DPP6: variants seen among roughly 807,000 people sequenced by gnomAD.
The protein encoded by DPP6 is A-type potassium channel modulatory protein DPP6.
Under a neutral mutation model 122.6 loss-of-function variants are expected in DPP6, and 69 were observed. That is an observed-to-expected ratio of 0.56 (90% CI 0.46 to 0.69). The LOEUF (loss-of-function observed/expected upper bound fraction) is 0.69, where lower values mean the gene tolerates loss of function less well. Ranked by LOEUF, DPP6 falls within the 30% of genes least tolerant of loss-of-function variation. The pLI, the probability that DPP6 is intolerant of heterozygous loss-of-function variation, is 0.00. For synonymous variants in DPP6, 418 were observed against 433.1 expected (o/e 0.97, Z 0.43); for missense variants, 928 against 1,116.9 (o/e 0.83, Z 2.41).
At chr7:154,177,370 A>C (rs1797857772) in intron 1 of DPP6, among the ~76,000 whole-genome samples, 1 of 152,346 alleles carries the variant, frequency 6.6e-6, no homozygotes, top group South Asian at 2.1e-4. Flanking sequence ...CTAAAGAGAC[A>C]TATGACTGTA....
intron 8 of DPP6, 79 bp from the exon 9 acceptor site, chr7:154,769,338 A>G: frequency 6.3e-7 from 1 of 1,585,592 alleles, no homozygotes; most frequent in African/African-American, 1.3e-5. Flanking sequence ...TTTCCTGGCC[A>G]CCTCATGTTC....
At chr7:154,062,006 C>A (rs1802027665) in intron 1 of DPP6, among the ~76,000 whole-genome samples, 1 of 121,224 alleles carries the variant, frequency 8.2e-6, no homozygotes, top group African/African-American at 3.0e-5. Context: ...TGTTGGTACC[C>A]CCATCGCAGG....
At chr7:153,843,109 TGCATACACATGC>T in the DPP6 span, among the ~76,000 whole-genome samples, 2 of 148,450 alleles carry the variant, frequency 1.3e-5, no homozygotes, top group Admixed American at 6.7e-5. Flanking sequence ...CACACACGAG[TGCATACACATGC>T]GCATACACAC....
intron 1 of DPP6, among the ~76,000 whole-genome samples, chr7:154,164,493 T>C (rs1382972231): frequency 2.0e-5 from 3 of 152,200 alleles, no homozygotes; most frequent in African/African-American, 7.2e-5. Flanking sequence ...CCATAAAATC[T>C]ACCCTTTTAA....
intron 1 of DPP6, among the ~76,000 whole-genome samples, chr7:154,439,783 G>T (rs759774676): frequency 1.3e-5 from 2 of 152,236 alleles, no homozygotes; most frequent in African/African-American, 2.4e-5. Flanking sequence ...TAGCAAGGGT[G>T]GTGGGTAGGA....
intron 1 of DPP6, among the ~76,000 whole-genome samples, chr7:154,078,677 T>G (rs1288866330): frequency 6.6e-6 from 1 of 152,072 alleles, no homozygotes; most frequent in African/African-American, 2.4e-5. Flanking sequence ...TTTGTTGTTG[T>G]TAAAATATCT....
chr7:153,834,275 T>TAAAAA, the DPP6 span, among the ~76,000 whole-genome samples: 1 of 138,958 alleles, frequency 7.2e-6, no homozygotes, highest in Admixed American at 7.1e-5. Flanking sequence ...TGACTCCATC[T>TAAAAA]AAAAAAAAAA....
chr7:154,052,966 A>T lies in DPP6; in HGVS notation c.146A>T (p.Gln49Leu), dbSNP rs1800480407. ...AGAKPLGPRA[Q>L]AAAPRERGGG... ...GCCAAGCCCCTCGGCCCGCGGGCGC[A>T]GGCGGCGGCGCCCCGGGAGCGCGGC... is the stretch of plus-strand genomic sequence containing the variant. The change falls in exon 1 of 26, where the codon CAG (glutamine) becomes CTG (leucine). Residue 49 changes from glutamine to leucine, a missense_variant. Transcript: ENST00000377770. This position sits in a 1 kb window ranked among gnomAD's most constrained non-coding sequence, Gnocchi z 4.8. 1 of 1,114,998 alleles carries T rather than the reference A, an allele frequency of 9.0e-7. No homozygotes were observed. Among genetic ancestry groups the T allele is most frequent in the East Asian group, 5.1e-5 (1 of 19,584 alleles). 69.1% of individuals were successfully genotyped at this position (1,114,998 alleles called of 1,614,324 possible).
intron 1 of DPP6, among the ~76,000 whole-genome samples, chr7:154,005,808 G>C (rs7802329): frequency 0.74 from 111,399 of 150,868 alleles, 40,605 homozygotes; most frequent in African/African-American, 0.75. Flanking sequence ...TTCACCTTCC[G>C]GTTGGACGAG....
intron 2 of DPP6, among the ~76,000 whole-genome samples, chr7:154,447,627 G>A (rs1819998623): frequency 6.6e-6 from 1 of 151,902 alleles, no homozygotes; most frequent in African/African-American, 2.4e-5. Flanking sequence ...ATATCACAAG[G>A]AAACAACATG....
intron 1 of DPP6, among the ~76,000 whole-genome samples, chr7:154,229,135 CT>C (rs1385161502): frequency 6.6e-6 from 1 of 152,112 alleles, no homozygotes. Flanking sequence ...TTATTTGGCC[CT>C]CCAGAAAGCC....
intron 1 of DPP6, among the ~76,000 whole-genome samples, chr7:154,181,499 TAAAGATCCTGA>T (rs565702433): frequency 6.6e-6 from 1 of 152,166 alleles, no homozygotes; most frequent in Non-Finnish European, 1.5e-5. Flanking sequence ...CGGCCTTAAA[TAAAGATCCTGA>T]AACTCCTGTC....
intron 1 of DPP6, among the ~76,000 whole-genome samples, chr7:154,232,240 G>A (rs914923834): frequency 5.3e-5 from 8 of 152,162 alleles, no homozygotes; most frequent in African/African-American, 1.7e-4. Context: ...CCAGTCAAGT[G>A]TAGGCCAAGA....
At chr7:154,482,334 T>G (rs1173354697) in intron 3 of DPP6, among the ~76,000 whole-genome samples, 1 of 152,162 alleles carries the variant, frequency 6.6e-6, no homozygotes, top group Non-Finnish European at 1.5e-5. Context: ...TTAGAGAAGC[T>G]GAGAAGTTGG....
chr7:154,301,072 GT>G (rs1805869456), intron 1 of DPP6, among the ~76,000 whole-genome samples: 2 of 152,170 alleles, frequency 1.3e-5, no homozygotes, highest in Non-Finnish European at 2.9e-5. Flanking sequence ...CTTGCTCTGA[GT>G]GACCTTGGGT....
intron 6 of DPP6, among the ~76,000 whole-genome samples, chr7:154,641,652 A>G (rs1333286765): frequency 2.0e-5 from 3 of 152,232 alleles, no homozygotes; most frequent in Admixed American, 2.0e-4. Context: ...ACATATACAT[A>G]ATACACACTT....
chr7:154,180,409 A>G (rs562918418), intron 1 of DPP6, among the ~76,000 whole-genome samples: 212 of 145,880 alleles, frequency 1.5e-3, no homozygotes, highest in Middle Eastern at 3.6e-3. Context: ...GTATAAATAT[A>G]TATATCTATA....
At chr7:154,017,315 C>G (rs565918930) in intron 1 of DPP6, among the ~76,000 whole-genome samples, 38 of 152,282 alleles carry the variant, frequency 2.5e-4, no homozygotes, top group Admixed American at 7.8e-4. Flanking sequence ...GTGATTGTCC[C>G]TCCTCGACCT....
At chr7:154,594,690 C>T (rs547512767) in intron 5 of DPP6, among the ~76,000 whole-genome samples, 1 of 152,168 alleles carries the variant, frequency 6.6e-6, no homozygotes, top group Non-Finnish European at 1.5e-5. Context: ...ATCTTGCTTT[C>T]CCTCCGCCCT....
Sources: gnomAD v4.1 joint callset for allele counts (sites outside exome capture counted in the v4.1 genomes callset) on GRCh38, gnomAD v4.1.1 for gene constraint, Gnocchi (gnomAD v3.1) non-coding constraint, MANE v1.5 for transcripts, NCBI Gene and HGNC (gene_info 2026-07-23, HGNC 2026-07-21) for gene names.